The following ROR1 variants were observed in gnomAD, a reference collection of about 807,000 sequenced individuals.
ROR1 encodes ROR family WNT receptor 1, also known as inactive tyrosine-protein kinase transmembrane receptor ROR1.
A neutral mutation model predicts 78.8 loss-of-function variants in ROR1; 19 were observed. The ratio of observed to expected loss-of-function variants is 0.24; its 90% CI spans 0.17 to 0.35. The LOEUF is 0.35. Among genes scored for constraint, ROR1 ranks in the 10% least tolerant of loss-of-function variants. The probability of loss-of-function intolerance (pLI) is 1.00; values close to 1 mark genes in which losing one functional copy is unlikely to be tolerated. For synonymous variants in ROR1, 386 were observed against 433.6 expected, an observed-to-expected ratio of 0.89 and a Z score of 1.36; for missense variants, 917 against 1,177.8, an observed-to-expected ratio of 0.78 and a Z score of 3.24.
intron 1 of ROR1, among the ~76,000 whole-genome samples, chr1:63,971,779 T>C (rs935820005): frequency 6.6e-6 from 1 of 152,120 alleles, no homozygotes; most frequent in Non-Finnish European, 1.5e-5. Flanking sequence ...CACGGCCTTT[T>C]ATCTACCTGA....
chr1:63,954,660 C>G (rs1192536949), intron 1 of ROR1, among the ~76,000 whole-genome samples: 1 of 152,064 alleles, frequency 6.6e-6, no homozygotes, highest in Non-Finnish European at 1.5e-5. Context: ...GCATTTTTTT[C>G]TTGTCATTAC....
At chr1:63,844,231 C>T (rs1645066752) in intron 1 of ROR1, among the ~76,000 whole-genome samples, 1 of 152,174 alleles carries the variant, frequency 6.6e-6, no homozygotes, top group Non-Finnish European at 1.5e-5. Flanking sequence ...CTCTGCCTCG[C>T]ACTTTAAGAT....
intron 1 of ROR1, among the ~76,000 whole-genome samples, chr1:63,974,490 T>C (rs919540289): frequency 6.6e-6 from 1 of 152,206 alleles, no homozygotes; most frequent in Non-Finnish European, 1.5e-5. Context: ...TCACGCAGGC[T>C]GGAGTGCAGT....
At chr1:63,950,738 C>A (rs1227213176) in intron 1 of ROR1, among the ~76,000 whole-genome samples, 1 of 152,182 alleles carries the variant, frequency 6.6e-6, no homozygotes, top group African/African-American at 2.4e-5. Flanking sequence ...TTTTAACAAG[C>A]ACCACAGGTG....
chr1:63,855,257 C>G (rs1328274660), intron 1 of ROR1, among the ~76,000 whole-genome samples: 1 of 152,182 alleles, frequency 6.6e-6, no homozygotes, highest in Admixed American at 6.5e-5. Flanking sequence ...TATGTACTGA[C>G]TCATGACATT....
At chr1:63,808,998 T>G (rs1203928520) in intron 1 of ROR1, among the ~76,000 whole-genome samples, 1 of 152,170 alleles carries the variant, frequency 6.6e-6, no homozygotes, top group Non-Finnish European at 1.5e-5. Flanking sequence ...GTAGTCATCT[T>G]GTCACACAAC....
intron 4 of ROR1, among the ~76,000 whole-genome samples, chr1:64,102,529 T>C (rs1426618169): frequency 2.0e-5 from 3 of 152,148 alleles, no homozygotes; most frequent in African/African-American, 7.2e-5. Flanking sequence ...TTGGGCCTCA[T>C]AGCTGTGCTT....
At chr1:64,069,385 C>T (rs926458759) in intron 4 of ROR1, among the ~76,000 whole-genome samples, 10 of 152,144 alleles carry the variant, frequency 6.6e-5, no homozygotes, top group Non-Finnish European at 2.9e-5. Flanking sequence ...GAACTCGTAA[C>T]TTCTCCACAA....
chr1:64,006,644 T>C lies in ROR1; in HGVS notation c.92-2661T>C, dbSNP rs560968473. On this transcript the variant is annotated intron_variant, in intron 1 of 8. Transcript: ENST00000371079. ...TTGTTTTCATATTTTGGAATTAAGATCCCTGCCATACTGCCTATCTGACAT... is the reference window on the plus strand; with the variant it reads ...TTGTTTTCATATTTTGGAATTAAGACCCCTGCCATACTGCCTATCTGACAT... Among the ~76,000 whole-genome samples the C allele has an allele frequency of 1.1e-4, 16 of 152,306 alleles. No homozygotes were observed. In the South Asian group the frequency reaches 3.1e-3, roughly 30 times the overall value.
chr1:64,121,446 A>C (rs545587638), intron 4 of ROR1, among the ~76,000 whole-genome samples: 256 of 152,218 alleles, frequency 1.7e-3, no homozygotes, highest in Non-Finnish European at 2.7e-3. Flanking sequence ...CTTGATGGAC[A>C]ACTAGAAGTC....
At chr1:63,781,481 T>C (rs1440354367) in intron 1 of ROR1, among the ~76,000 whole-genome samples, 1 of 152,182 alleles carries the variant, frequency 6.6e-6, no homozygotes, top group Non-Finnish European at 1.5e-5. Context: ...TTTGTTATCC[T>C]TAAAGTGTGA....
At chr1:63,935,434 G>C (rs2100449660) in intron 1 of ROR1, among the ~76,000 whole-genome samples, 1 of 152,314 alleles carries the variant, frequency 6.6e-6, no homozygotes, top group South Asian at 2.1e-4. Flanking sequence ...CAGGTTAATT[G>C]TAGAGGGTGG....
chr1:63,956,758 C>T (rs1230022537), intron 1 of ROR1, among the ~76,000 whole-genome samples: 2 of 152,130 alleles, frequency 1.3e-5, no homozygotes, highest in African/African-American at 4.8e-5. Flanking sequence ...TGAAAGAATT[C>T]GAACCTGACT....
chr1:63,907,001 C>T (rs866901934), intron 1 of ROR1, among the ~76,000 whole-genome samples: 5 of 152,196 alleles, frequency 3.3e-5, no homozygotes, highest in Admixed American at 6.5e-5. Flanking sequence ...ACAAAATGAT[C>T]GCCCCAGAAA....
chr1:64,071,841 G>A (rs77600967), intron 4 of ROR1, among the ~76,000 whole-genome samples: 2,266 of 152,308 alleles, frequency 0.015, 49 homozygotes, highest in African/African-American at 0.051. Context: ...TCTGTGGGAT[G>A]AAGCAATTAG....
chr1:64,005,733 A>G (rs1446697821), intron 1 of ROR1, among the ~76,000 whole-genome samples: 3 of 152,228 alleles, frequency 2.0e-5, no homozygotes, highest in East Asian at 1.9e-4. Flanking sequence ...AGGGGAGATT[A>G]TTAATATTCA....
intron 1 of ROR1, among the ~76,000 whole-genome samples, chr1:63,962,399 A>C (rs544936043): frequency 6.6e-6 from 1 of 152,260 alleles, no homozygotes; most frequent in Non-Finnish European, 1.5e-5. Context: ...AGCACTGAGA[A>C]TACGGAGATG....
intron 4 of ROR1, among the ~76,000 whole-genome samples, chr1:64,061,694 A>G (rs114110415): frequency 0.022 from 3,335 of 152,210 alleles, 77 homozygotes; most frequent in African/African-American, 0.064. Flanking sequence ...TTTCTGTGTA[A>G]TTTGCTAGTT....
In ROR1 at chr1:63,969,649, C is replaced by T. The variant is rs190542573; in HGVS notation, c.92-39656C>T. Among the ~76,000 whole-genome samples, 600 of 152,266 alleles carry T rather than the reference C, an allele frequency of 3.9e-3. 5 individuals carry two copies. The highest frequency in any genetic ancestry group is 0.014 in the African/African-American group (574 of 41,564). On this transcript the variant is annotated intron_variant, in intron 1 of 8. Transcript: ENST00000371079. ...ATCCAGTGTCCGAGCCAGAAATCTCCGCTCTTCCATGTGTTTTCCACCCCT... is the reference window on the plus strand; with the variant it reads ...ATCCAGTGTCCGAGCCAGAAATCTCTGCTCTTCCATGTGTTTTCCACCCCT...
Sources: allele counts gnomAD v4.1 joint callset (sites outside exome capture counted in the v4.1 genomes callset), GRCh38; gene constraint gnomAD v4.1.1; transcripts MANE v1.5; gene names NCBI Gene and HGNC (gene_info 2026-07-23, HGNC 2026-07-21).